SYNE1: variants seen among roughly 807,000 people sequenced by gnomAD.
SYNE1 encodes the protein spectrin repeat containing nuclear envelope protein 1.
In SYNE1, 616 loss-of-function variants were observed where a neutral mutation model predicts 1,111.0. That is an observed-to-expected ratio of 0.55 (90% CI 0.52 to 0.59). The LOEUF (loss-of-function observed/expected upper bound fraction) is 0.59. Ranked by LOEUF, SYNE1 falls within the 20% of genes least tolerant of loss-of-function variation. SYNE1 has a pLI of 0.00. For missense variants in SYNE1, 10,006 were observed against 10,417.0 expected (o/e 0.96, Z 1.72); for synonymous variants, 3,855 against 3,825.8 (o/e 1.01, Z -0.28).
At chr6:152,318,834 G>C in intron 85 of SYNE1, 29 bp downstream of exon 85, 1 of 1,612,904 alleles carries the variant, frequency 6.2e-7, no homozygotes, top group African/African-American at 1.3e-5. Context: ...AATTCATTCA[G>C]TAGTACCCTT....
At chr6:152,515,647 C>T (rs1183947659) in intron 6 of SYNE1, among the ~76,000 whole-genome samples, 1 of 152,190 alleles carries the variant, frequency 6.6e-6, no homozygotes, top group Non-Finnish European at 1.5e-5. Context: ...TAGCCTGGAA[C>T]TCACCTCATT....
chr6:152,362,508 G>C (rs1384316427), intron 63 of SYNE1, among the ~76,000 whole-genome samples, 185 bp from the exon 64 acceptor site: 1 of 152,124 alleles, frequency 6.6e-6, no homozygotes, highest in Non-Finnish European at 1.5e-5. Flanking sequence ...GGCAGCCTCA[G>C]GAAGCAAGGA....
chr6:152,618,811 T>C (rs994202661), intron 3 of SYNE1, among the ~76,000 whole-genome samples: 2 of 152,208 alleles, frequency 1.3e-5, no homozygotes, highest in Non-Finnish European at 2.9e-5. Flanking sequence ...CTTTGAGATG[T>C]TTCCATGTAT....
At position 152,132,871 on chromosome 6, in the gene SYNE1, TA is replaced by T. The variant is rs1488144089; in HGVS notation, c.26001+404del. The stretch of plus-strand genomic sequence containing the variant: ...ATTAAATGAGCAGAGGACTGTTTTT[TA>T]ATTTTTTTTTTTTTTTCTGTATACA... On this transcript the variant is annotated intron_variant, in intron 143 of 145. Transcript: ENST00000367255. 2.5e-5 allele frequency among the ~76,000 whole-genome samples: 3 copies of T among 120,792 alleles called. No homozygotes were observed. The East Asian group carries it at 9.5e-4, about 38-fold the overall frequency. 79.2% of individuals were successfully genotyped at this position (120,792 alleles called of 152,430 possible). A position where few individuals can be genotyped will look rare whatever the true frequency, so the allele number is the denominator to read the frequency against.
intron 87 of SYNE1, among the ~76,000 whole-genome samples, chr6:152,311,921 A>G (rs1589815164): frequency 6.6e-6 from 1 of 152,008 alleles, no homozygotes; most frequent in South Asian, 2.1e-4. Context: ...GACTACACGC[A>G]CCCAGGTGCC....
intron 3 of SYNE1, among the ~76,000 whole-genome samples, chr6:152,577,656 T>A (rs112677132): frequency 0.019 from 2,913 of 151,928 alleles, 93 homozygotes; most frequent in African/African-American, 0.066. Flanking sequence ...GAAAAAAAAA[T>A]TCTCTAACTA....
chr6:152,403,617 G>C (rs1448749990), intron 46 of SYNE1, among the ~76,000 whole-genome samples: 2 of 152,098 alleles, frequency 1.3e-5, no homozygotes, highest in Non-Finnish European at 2.9e-5. Flanking sequence ...AGCTACCAGG[G>C]AGGCTGAGGT....
At chr6:152,158,457 A>G (rs1586485986) in intron 131 of SYNE1, among the ~76,000 whole-genome samples, 1 of 152,264 alleles carries the variant, frequency 6.6e-6, no homozygotes, top group East Asian at 1.9e-4. Context: ...CTATGCAAAC[A>G]CTAGCTATTG....
chr6:152,233,534 A>C (rs1448798677), intron 112 of SYNE1, among the ~76,000 whole-genome samples: 2 of 152,122 alleles, frequency 1.3e-5, no homozygotes, highest in Admixed American at 6.5e-5. Context: ...CGTGTTGCCC[A>C]GGCTGGTCTT....
At position 152,141,308 on chromosome 6, in the gene SYNE1, T is replaced by A. The variant is rs781434223; in HGVS notation, c.25141A>T (p.Ser8381Cys). The change falls in exon 139 of 146, where the codon AGT (serine) becomes TGT (cysteine). Residue 8381 changes from serine to cysteine, a missense_variant. Physicochemically the swap from Ser to Cys is moderately radical, Grantham distance 112. Transcript: ENST00000367255. ...CTCTTCACGGAGTCTATACTGCTAC[T>A]GCATTCGCCCAGCAGTTTCATCTGT... is the stretch of plus-strand genomic sequence containing the variant. ...KGYMKLLGEC[S>C]SSIDSVKRLE... The A allele has an allele frequency of 1.2e-6, 2 of 1,614,058 alleles. No individual in the cohort carries two copies. Among genetic ancestry groups the A allele is most frequent in the Non-Finnish European group, 1.7e-6 (2 of 1,179,980 alleles).
At chr6:152,133,042 AG>A (rs1259489971) in intron 143 of SYNE1, among the ~76,000 whole-genome samples, 3 of 152,212 alleles carry the variant, frequency 2.0e-5, no homozygotes, top group Non-Finnish European at 4.4e-5. Context: ...TAATAGCATT[AG>A]TAGCAACAAC....
chr6:152,156,753 A>G (rs994716038), intron 131 of SYNE1, among the ~76,000 whole-genome samples: 2 of 151,630 alleles, frequency 1.3e-5, no homozygotes, highest in Non-Finnish European at 2.9e-5. Flanking sequence ...CCAGTGTAGA[A>G]CCGTAGATAC....
intron 3 of SYNE1, among the ~76,000 whole-genome samples, chr6:152,621,512 CAT>C (rs919785450): frequency 6.6e-6 from 1 of 151,440 alleles, no homozygotes; most frequent in Non-Finnish European, 1.5e-5. Flanking sequence ...TATACTGACA[CAT>C]ATATAATTTT....
At position 152,409,377 on chromosome 6, in the gene SYNE1, C is replaced by A. The variant is rs1167749365; in HGVS notation, c.6382-151G>T. On this transcript the variant is annotated intron_variant, in intron 43 of 145. Transcript: ENST00000367255. ...TTAACTATATGAATATATATAACAC[C>A]ATTTTCTTGAATTGCTAGAATCCTA... The A allele has an allele frequency of 2.8e-6, 3 of 1,073,950 alleles. No individual in the cohort carries two copies. In the African/African-American group the frequency reaches 4.8e-5, roughly 17 times the overall value. The allele number at this position is 1,073,950 out of a possible 1,614,324, so 66.5% of individuals were successfully genotyped here.
At chr6:152,453,433 T>C (rs752142900) in intron 25 of SYNE1, 153 bp downstream of exon 25, 1 of 1,036,492 alleles carries the variant, frequency 9.6e-7, no homozygotes, top group Non-Finnish European at 1.5e-6. Flanking sequence ...TATCAGGTTT[T>C]ATTTAAGTCC....
intron 8 of SYNE1, among the ~76,000 whole-genome samples, chr6:152,509,837 C>T (rs1423385643): frequency 6.6e-6 from 1 of 152,068 alleles, no homozygotes; most frequent in African/African-American, 2.4e-5. Context: ...GAAGAGATAA[C>T]CGAGTTTAAA....
chr6:152,334,321 C>A, intron 76 of SYNE1, 48 bp from the exon 77 acceptor site: 1 of 1,601,024 alleles, frequency 6.2e-7, no homozygotes, highest in South Asian at 1.1e-5. Context: ...AAGAAATGCC[C>A]AAATAAATAT....
intron 3 of SYNE1, among the ~76,000 whole-genome samples, chr6:152,550,641 T>C (rs1343910774): frequency 2.6e-5 from 4 of 151,816 alleles, no homozygotes; most frequent in African/African-American, 9.7e-5. Flanking sequence ...TTGTAGTAAA[T>C]AATTTGGTAG....
intron 143 of SYNE1, 49 bp from the exon 144 acceptor site, chr6:152,132,263 G>T (rs1204633033): frequency 1.3e-6 from 2 of 1,532,332 alleles, no homozygotes; most frequent in South Asian, 2.2e-5. Context: ...CAGACCCATG[G>T]GGGCCCTCTG....
Sources: allele counts gnomAD v4.1 joint callset (sites outside exome capture counted in the v4.1 genomes callset), GRCh38; gene constraint gnomAD v4.1.1; transcripts MANE v1.5; gene names NCBI Gene and HGNC (gene_info 2026-07-23, HGNC 2026-07-21).